Variants in EPHA8 observed in about 807,000 individuals in gnomAD.
EPHA8 encodes ephrin type-A receptor 8.
A neutral mutation model predicts 103.6 loss-of-function variants in EPHA8; 58 were observed. That is an observed-to-expected ratio of 0.56 (90% confidence interval 0.45 to 0.70). The LOEUF (loss-of-function observed/expected upper bound fraction) is 0.70. EPHA8 is among the 30% of genes least tolerant of loss of function. The probability of loss-of-function intolerance (pLI) is 0.00; values close to 1 mark genes in which losing one functional copy is unlikely to be tolerated. For missense variants in EPHA8, 1,304 were observed against 1,395.2 expected (o/e 0.93, Z 1.04); for synonymous variants, 559 against 572.5 (o/e 0.98, Z 0.34).
At chr1:22,582,083 A>G (rs1641062150) in intron 3 of EPHA8, among the ~76,000 whole-genome samples, 1 of 152,222 alleles carries the variant, frequency 6.6e-6, no homozygotes, top group Admixed American at 6.5e-5. Flanking sequence ...GGCTGGGAAC[A>G]GAGTGGGGTA....
At position 22,591,652 on chromosome 1, in the gene EPHA8, T is replaced by C. The variant is rs377554729; in HGVS notation, c.1316-1674T>C. Among the ~76,000 whole-genome samples the C allele has an allele frequency of 1.5e-4, 23 of 152,316 alleles. No homozygotes were observed. In the East Asian group the frequency reaches 4.1e-3, roughly 27 times the overall value. ...CTGTGGACCCACACAGCTTCACCCCTGCCTGCCTCTCCAGAGCACCTCTTT... is the reference window on the plus strand; with the variant it reads ...CTGTGGACCCACACAGCTTCACCCCCGCCTGCCTCTCCAGAGCACCTCTTT... On this transcript the variant is annotated intron_variant, in intron 5 of 16. Coordinates refer to ENST00000166244, the MANE Select transcript of EPHA8 (RefSeq NM_020526.5).
chr1:22,568,573 C>G (rs991230966), intron 1 of EPHA8, among the ~76,000 whole-genome samples: 4 of 152,238 alleles, frequency 2.6e-5, no homozygotes, highest in African/African-American at 9.6e-5. Flanking sequence ...GGCCGCCTCT[C>G]AGGTTGTTGT....
At position 22,596,011 on chromosome 1, in the gene EPHA8, C is replaced by T. The variant is rs530518945; in HGVS notation, c.1698-95C>T. On this transcript the variant is annotated intron_variant, in intron 8 of 16. Coordinates refer to ENST00000166244, the MANE Select transcript of EPHA8 (RefSeq NM_020526.5). ...GGAGCTGACCTGTCAGGGGAAGGGG[C>T]ATGAAGAGAGAAGCCATGACTCGTT... 3.4e-5 allele frequency: 38 copies of T among 1,120,114 alleles called. No homozygotes were observed. The African/African-American group carries it at 4.7e-4, about 14-fold the overall frequency. The allele number at this position is 1,120,114 out of a possible 1,614,324, so 69.4% of individuals were successfully genotyped here. A position where few individuals can be genotyped will look rare whatever the true frequency, so the allele number is the denominator to read the frequency against.
chr1:22,589,805 C>G lies in EPHA8; in HGVS notation c.1315+599C>G, dbSNP rs914680775. Among the ~76,000 whole-genome samples the G allele has an allele frequency of 6.6e-6, 1 of 152,066 alleles. No homozygotes were observed. The highest frequency in any genetic ancestry group is 1.5e-5 in the Non-Finnish European group (1 of 68,000). ...CCTGCCCGTCAAGTGACAGCGTGACCCAAGAGCCCTCCTAGGGCAGCTTCC... is the reference window on the plus strand; with the variant it reads ...CCTGCCCGTCAAGTGACAGCGTGACGCAAGAGCCCTCCTAGGGCAGCTTCC... On this transcript the variant is annotated intron_variant, in intron 5 of 16. Coordinates refer to ENST00000166244, the MANE Select transcript of EPHA8 (RefSeq NM_020526.5). This position sits in a 1 kb window ranked among gnomAD's most constrained non-coding sequence, Gnocchi z 4.3.
At chr1:22,570,547 T>C (rs1640512784) in intron 2 of EPHA8, among the ~76,000 whole-genome samples, 1 of 152,190 alleles carries the variant, frequency 6.6e-6, no homozygotes. Context: ...GTAACATTTA[T>C]GAAGGGCCTT....
chr1:22,570,068 C>A (rs1223589032), intron 2 of EPHA8, among the ~76,000 whole-genome samples: 1 of 152,202 alleles, frequency 6.6e-6, no homozygotes. Flanking sequence ...GATGACCTCC[C>A]AGGTCTGCGC....
intron 7 of EPHA8, 58 bp from the exon 8 acceptor site, chr1:22,595,172 C>T: frequency 6.9e-7 from 1 of 1,444,418 alleles, no homozygotes; most frequent in Non-Finnish European, 9.5e-7. Flanking sequence ...CTGCCAGACC[C>T]CTGGGCCCAA....
chr1:22,589,446 C>G lies in EPHA8; in HGVS notation c.1315+240C>G. The G allele has an allele frequency of 1.3e-6, 2 of 1,490,526 alleles. No homozygotes were observed. The highest frequency in any genetic ancestry group is 2.8e-5 in the South Asian group (2 of 70,834). The allele number at this position is 1,490,526 out of a possible 1,614,324, so 92.3% of individuals were successfully genotyped here. On this transcript the variant is annotated intron_variant, in intron 5 of 16. Coordinates refer to ENST00000166244, the MANE Select transcript of EPHA8 (RefSeq NM_020526.5). The surrounding 1 kb of genome is among the most constrained non-coding windows in gnomAD (Gnocchi z 4.3). ...CTCAGAGGCAGGCTAGTGTGGCCGT[C>G]GAAAGCCTAGGTTCCAGAACTTTCC...
At chr1:22,578,350 ATG>A (rs1472136524) in intron 3 of EPHA8, among the ~76,000 whole-genome samples, 22 of 135,248 alleles carry the variant, frequency 1.6e-4, no homozygotes, top group Admixed American at 1.4e-3. Flanking sequence ...GCATGTGTGT[ATG>A]TGTGCGTGCA....
intron 1 of EPHA8, among the ~76,000 whole-genome samples, chr1:22,566,806 A>G (rs1640372534): frequency 6.6e-6 from 1 of 151,956 alleles, no homozygotes; most frequent in Non-Finnish European, 1.5e-5. Flanking sequence ...CCTCCTATGG[A>G]CTTGGGGCTT....
rs115281376 is a variant in EPHA8 at position 22,589,841 on chromosome 1, C to T, written c.1315+635C>T. ...CCTAGGGCAGCTTCCTATTAACAGC[C>T]ACCCTCACCTGTGCCCAAGACCCTC... On this transcript the variant is annotated intron_variant, in intron 5 of 16. Coordinates refer to ENST00000166244, the MANE Select transcript of EPHA8 (RefSeq NM_020526.5). The surrounding 1 kb of genome is among the most constrained non-coding windows in gnomAD (Gnocchi z 4.3). 1.3e-3 allele frequency among the ~76,000 whole-genome samples: 192 copies of T among 152,242 alleles called. 1 individual carries two copies. Among genetic ancestry groups the T allele is most frequent in the African/African-American group, 4.6e-3 (190 of 41,518 alleles).
At position 22,567,823 on chromosome 1, in the gene EPHA8, G is replaced by A. The variant is rs1640411238; in HGVS notation, c.95-1466G>A. Among the ~76,000 whole-genome samples, 1 of 152,174 alleles carries A rather than the reference G, an allele frequency of 6.6e-6. No individual in the cohort carries two copies. Among genetic ancestry groups the A allele is most frequent in the South Asian group, 2.1e-4 (1 of 4,826 alleles). On this transcript the variant is annotated intron_variant, in intron 1 of 16. Coordinates refer to ENST00000166244, the MANE Select transcript of EPHA8 (RefSeq NM_020526.5). This position sits in a 1 kb window ranked among gnomAD's most constrained non-coding sequence, Gnocchi z 4.2. Reference sequence around the variant, plus strand: ...CGTCACCTGCCCAAGCCCGCTGATTGGGGTGGTTAAAAGCCCATGGCTGTT... The same window carrying A: ...CGTCACCTGCCCAAGCCCGCTGATTAGGGTGGTTAAAAGCCCATGGCTGTT...
intron 1 of EPHA8, among the ~76,000 whole-genome samples, chr1:22,566,104 A>G (rs1343914724): frequency 6.6e-6 from 1 of 152,214 alleles, no homozygotes; most frequent in Admixed American, 6.5e-5. Context: ...ACAGTCCCCT[A>G]CAACAGGCCA....
rs209699 is a variant in EPHA8, at chr1:22,601,856, A to G, written c.*115A>G. On this transcript the variant is annotated 3_prime_UTR_variant, in exon 17 of 17. Transcript: ENST00000166244. ...GGCCCCAGGCCTCTGCCCTCCTCTC[A>G]GGTGCTGGAGGAGCTGAAGGCTTCG... 0.34 allele frequency: 338,035 copies of G among 990,222 alleles called. 59,749 individuals are homozygous for G. Among genetic ancestry groups the G allele is most frequent in the African/African-American group, 0.52 (31,554 of 60,118 alleles). The allele number at this position is 990,222 out of a possible 1,614,324, so 61.3% of individuals were successfully genotyped here. A position where few individuals can be genotyped will look rare whatever the true frequency, so the allele number is the denominator to read the frequency against.
intron 3 of EPHA8, among the ~76,000 whole-genome samples, chr1:22,585,656 G>GT (rs1641182378): frequency 1.3e-5 from 2 of 152,256 alleles, no homozygotes; most frequent in African/African-American, 4.8e-5. Context: ...AGGCAGCTGG[G>GT]TGGGGGGAGG....
intron 7 of EPHA8, 60 bp from the exon 8 acceptor site, chr1:22,595,170 C>T: frequency 7.0e-7 from 1 of 1,425,732 alleles, no homozygotes; most frequent in East Asian, 2.4e-5. Flanking sequence ...GTCTGCCAGA[C>T]CCCTGGGCCC....
At chr1:22,588,836 T>A (rs759715631) in intron 4 of EPHA8, 35 bp from the exon 5 acceptor site, 30 of 1,538,330 alleles carry the variant, frequency 2.0e-5, no homozygotes, top group Non-Finnish European at 2.5e-5. Context: ...CCCAAATAAA[T>A]AACCACTGCC....
intron 7 of EPHA8, among the ~76,000 whole-genome samples, chr1:22,594,024 G>T (rs573573182): frequency 1.3e-5 from 2 of 152,180 alleles, no homozygotes; most frequent in Non-Finnish European, 2.9e-5. Flanking sequence ...GTAGAGACGG[G>T]GTTTCACCAT....
intron 4 of EPHA8, 119 bp downstream of exon 4, chr1:22,586,754 C>T (rs553960671): frequency 1.5e-6 from 2 of 1,323,546 alleles, no homozygotes; most frequent in Non-Finnish European, 2.1e-6. Flanking sequence ...GCGGGTGGCT[C>T]TCTTGAGCCA....
Sources: allele counts gnomAD v4.1 joint callset (sites outside exome capture counted in the v4.1 genomes callset), GRCh38; gene constraint gnomAD v4.1.1; non-coding constraint Gnocchi (gnomAD v3.1); transcripts MANE v1.5; gene names NCBI Gene and HGNC (gene_info 2026-07-23, HGNC 2026-07-21).